CNTN5: variants seen among roughly 807,000 people sequenced by gnomAD.
CNTN5 encodes contactin-5.
CNTN5 carries 77 observed loss-of-function variants against 129.1 expected under a neutral mutation model. The observed-to-expected ratio is 0.60, with a 90% CI of 0.50 to 0.72. The LOEUF (loss-of-function observed/expected upper bound fraction) is 0.72. Among genes scored for constraint, CNTN5 ranks in the 30% least tolerant of loss-of-function variants. The pLI is 0.00. For synonymous variants in CNTN5, 509 were observed against 465.6 expected (o/e 1.09, Z -1.20); for missense variants, 1,478 against 1,328.8 (o/e 1.11, Z -1.75).
chr11:100,198,496 C>A (rs1948701861), intron 15 of CNTN5, among the ~76,000 whole-genome samples: 1 of 151,800 alleles, frequency 6.6e-6, no homozygotes, highest in Non-Finnish European at 1.5e-5. Flanking sequence ...AAACATGCTA[C>A]CTGACCTAGA....
intron 3 of CNTN5, among the ~76,000 whole-genome samples, chr11:99,795,430 T>C (rs1945897512): frequency 6.6e-6 from 1 of 152,218 alleles, no homozygotes; most frequent in Non-Finnish European, 1.5e-5. Flanking sequence ...ATTTCAGCCA[T>C]TTCAGCCTGA....
At chr11:99,838,329 A>G (rs890047099) in intron 4 of CNTN5, among the ~76,000 whole-genome samples, 1 of 152,182 alleles carries the variant, frequency 6.6e-6, no homozygotes, top group Non-Finnish European at 1.5e-5. Flanking sequence ...TCAAACATCT[A>G]TCAAGTATTT....
At chr11:100,093,920 C>T (rs1944891923) in intron 13 of CNTN5, among the ~76,000 whole-genome samples, 2 of 152,080 alleles carry the variant, frequency 1.3e-5, no homozygotes, top group African/African-American at 2.4e-5. Flanking sequence ...TAACATTTCC[C>T]TTCAGGGTGA....
intron 1 of CNTN5, among the ~76,000 whole-genome samples, chr11:99,315,220 C>G (rs1393744496): frequency 1.4e-5 from 2 of 145,020 alleles, no homozygotes; most frequent in African/African-American, 4.9e-5. Context: ...ACTGAACTAT[C>G]AGATAATGAT....
intron 15 of CNTN5, among the ~76,000 whole-genome samples, chr11:100,219,456 C>T (rs774051023): frequency 2.1e-4 from 32 of 152,152 alleles, no homozygotes; most frequent in Non-Finnish European, 4.0e-4. Flanking sequence ...CTCTCTTTAC[C>T]TTGGAAGCAC....
intron 4 of CNTN5, among the ~76,000 whole-genome samples, chr11:99,833,932 A>G (rs1314294303): frequency 6.6e-6 from 1 of 152,110 alleles, no homozygotes; most frequent in Non-Finnish European, 1.5e-5. Context: ...TGTAACTTTC[A>G]TTTAGGTAGT....
chr11:99,130,666 G>T (rs11218503), intron 1 of CNTN5, among the ~76,000 whole-genome samples: 137,475 of 152,018 alleles, frequency 0.9, 62,353 homozygotes, highest in East Asian at 0.99. Flanking sequence ...ATATTTTTAT[G>T]AACTCCACAT....
intron 1 of CNTN5, among the ~76,000 whole-genome samples, chr11:99,144,532 G>A (rs187153124): frequency 3.0e-4 from 46 of 152,198 alleles, no homozygotes; most frequent in Admixed American, 9.2e-4. Context: ...GCCCTTTGCC[G>A]TCTCCTCTCC....
At chr11:99,142,193 G>T (rs552769320) in intron 1 of CNTN5, among the ~76,000 whole-genome samples, 2 of 152,078 alleles carry the variant, frequency 1.3e-5, no homozygotes, top group African/African-American at 4.8e-5. Context: ...CACTAGGGGG[G>T]CCTAGGTGTT....
chr11:99,299,220 T>C (rs911588647), intron 1 of CNTN5, among the ~76,000 whole-genome samples: 2 of 152,184 alleles, frequency 1.3e-5, no homozygotes, highest in African/African-American at 2.4e-5. Flanking sequence ...ATATTGGTCT[T>C]ACTAGACAAA....
rs183371855 is a variant in CNTN5, at chr11:100,053,455, A to G, written c.981-7757A>G. Among the ~76,000 whole-genome samples, 8 of 151,918 alleles carry G rather than the reference A, an allele frequency of 5.3e-5. No individual in the cohort carries two copies. In the East Asian group the frequency reaches 1.5e-3, roughly 29 times the overall value. On this transcript the variant is annotated intron_variant, in intron 9 of 24. Coordinates refer to ENST00000524871, the MANE Select transcript of CNTN5 (RefSeq NM_014361.4). Reference sequence around the variant, plus strand: ...AAAGATTTGAGTATGCGAATGGCTAATAAAAACATCCAAAGTAGCTCCAAG... The same window carrying G: ...AAAGATTTGAGTATGCGAATGGCTAGTAAAAACATCCAAAGTAGCTCCAAG...
Position 99,026,763 on chromosome 11 carries a change from A to C in CNTN5, c.-210+5493A>C, listed in dbSNP as rs1009545435. On this transcript the variant is annotated intron_variant, in intron 1 of 24. Transcript: ENST00000524871. ...TGTTCAACATTGCAAGTAATGCAAA[A>C]GATGGAATTAGAACCCACATCTCTT... is the stretch of plus-strand genomic sequence containing the variant. Among the ~76,000 whole-genome samples, 6 of 151,766 alleles carry C rather than the reference A, an allele frequency of 4.0e-5. No individual in the cohort carries two copies. In the East Asian group the frequency reaches 1.2e-3, roughly 29 times the overall value.
rs17134408 is a variant in CNTN5, at chr11:99,774,963, T to C, written c.56-44581T>C. On this transcript the variant is annotated intron_variant, in intron 3 of 24. Transcript: ENST00000524871. ...TATTTTATTTGGATCTATTTTATAA[T>C]CACTTGAAAGCGTCACTTTGGTTTG... 1.0e-2 allele frequency among the ~76,000 whole-genome samples: 1,517 copies of C among 152,246 alleles called. 24 individuals carry two copies. Among genetic ancestry groups the C allele is most frequent in the African/African-American group, 0.035 (1,437 of 41,562 alleles).
At chr11:99,992,467 C>T (rs1226534050) in intron 8 of CNTN5, among the ~76,000 whole-genome samples, 1 of 152,186 alleles carries the variant, frequency 6.6e-6, no homozygotes, top group African/African-American at 2.4e-5. Context: ...CTCTAATCCT[C>T]AGAAGGACAA....
At chr11:100,279,265 T>C (rs1226465649) in intron 18 of CNTN5, among the ~76,000 whole-genome samples, 4 of 151,798 alleles carry the variant, frequency 2.6e-5, no homozygotes, top group Non-Finnish European at 5.9e-5. Flanking sequence ...TATAGGTTTT[T>C]TTTTTCTTTT....
At chr11:99,639,413 T>C (rs186327793) in intron 3 of CNTN5, among the ~76,000 whole-genome samples, 146 of 152,336 alleles carry the variant, frequency 9.6e-4, no homozygotes, top group Admixed American at 3.9e-4. Flanking sequence ...TTGGTACTTA[T>C]GCAAATTTTT....
intron 13 of CNTN5, among the ~76,000 whole-genome samples, chr11:100,157,435 A>T (rs1432996318): frequency 1.3e-5 from 2 of 151,708 alleles, no homozygotes; most frequent in Non-Finnish European, 2.9e-5. Context: ...ATTTAAGGAA[A>T]TTTTTCCAGT....
chr11:100,271,956 T>C (rs373368408), intron 18 of CNTN5, among the ~76,000 whole-genome samples: 8 of 152,330 alleles, frequency 5.3e-5, no homozygotes, highest in African/African-American at 1.9e-4. Flanking sequence ...TTGGACAAAG[T>C]CTCATTGAGG....
chr11:99,326,858 A>G (rs894163552), intron 2 of CNTN5, among the ~76,000 whole-genome samples: 1 of 152,214 alleles, frequency 6.6e-6, no homozygotes. Context: ...CTAACATTAG[A>G]CAGATTGTAA....
Sources: allele counts gnomAD v4.1 joint callset (sites outside exome capture counted in the v4.1 genomes callset), GRCh38; gene constraint gnomAD v4.1.1; transcripts MANE v1.5; gene names NCBI Gene and HGNC (gene_info 2026-07-23, HGNC 2026-07-21).